ADAMTSL1: variants seen among roughly 807,000 people sequenced by gnomAD.
ADAMTSL1 encodes the protein ADAMTS-like protein 1.
A neutral mutation model predicts 201.8 loss-of-function variants in ADAMTSL1; 126 were observed. The observed-to-expected ratio is 0.62, with a 90% confidence interval of 0.54 to 0.72. The LOEUF is 0.72. Among genes scored for constraint, ADAMTSL1 ranks in the 30% least tolerant of loss-of-function variants. The pLI, the probability that ADAMTSL1 is intolerant of heterozygous loss-of-function variation, is 0.00. For synonymous variants in ADAMTSL1, 1,121 were observed against 903.4 expected (o/e 1.24, Z -4.32); for missense variants, 2,679 against 2,277.8 (o/e 1.18, Z -3.59).
chr9:18,144,873 G>C (rs1826562929), intron 1 of ADAMTSL1, among the ~76,000 whole-genome samples: 1 of 152,140 alleles, frequency 6.6e-6, no homozygotes, highest in African/African-American at 2.4e-5. Context: ...GTGGGACTAT[G>C]ATGGAGTTAC....
intron 23 of ADAMTSL1, among the ~76,000 whole-genome samples, chr9:18,843,450 C>G (rs1401775821): frequency 6.6e-6 from 1 of 150,848 alleles, no homozygotes; most frequent in Non-Finnish European, 1.5e-5. Flanking sequence ...CGACCTTTCT[C>G]TCTGGCTGCG....
chr9:18,375,157 A>G (rs749998414), intron 2 of ADAMTSL1, among the ~76,000 whole-genome samples: 1 of 152,160 alleles, frequency 6.6e-6, no homozygotes, highest in Non-Finnish European at 1.5e-5. Flanking sequence ...GAGACAACTC[A>G]TGGAGCTCTT....
At chr9:18,013,671 T>C (rs952518752) in intron 1 of ADAMTSL1, among the ~76,000 whole-genome samples, 1 of 152,026 alleles carries the variant, frequency 6.6e-6, no homozygotes, top group South Asian at 2.1e-4. Context: ...AGTTTTACAA[T>C]ATGAAAAATA....
chr9:18,381,465 G>T (rs1294047613), intron 2 of ADAMTSL1, among the ~76,000 whole-genome samples: 1 of 152,124 alleles, frequency 6.6e-6, no homozygotes, highest in African/African-American at 2.4e-5. Flanking sequence ...TAAGGTTCTT[G>T]CCCAAGGCAT....
At chr9:18,527,043 A>T (rs898128983) in intron 2 of ADAMTSL1, among the ~76,000 whole-genome samples, 2 of 152,144 alleles carry the variant, frequency 1.3e-5, no homozygotes, top group Admixed American at 6.6e-5. Context: ...GATCAGTGGT[A>T]CCCAGGATTT....
chr9:18,269,077 A>G (rs1832252103), intron 2 of ADAMTSL1, among the ~76,000 whole-genome samples: 1 of 152,162 alleles, frequency 6.6e-6, no homozygotes, highest in African/African-American at 2.4e-5. Context: ...ATAAAATAAG[A>G]AGAAAACCAG....
chr9:18,376,897 C>T (rs990583019), intron 2 of ADAMTSL1, among the ~76,000 whole-genome samples: 5 of 152,046 alleles, frequency 3.3e-5, no homozygotes, highest in African/African-American at 1.2e-4. Context: ...ATTGCAAATA[C>T]CCTTACAAAT....
chr9:17,975,757 T>C (rs1382424897), intron 1 of ADAMTSL1, among the ~76,000 whole-genome samples: 4 of 152,164 alleles, frequency 2.6e-5, no homozygotes, highest in Non-Finnish European at 5.9e-5. Context: ...TTTGCTTTTG[T>C]TGCCTGTGCT....
At chr9:18,117,105 A>T (rs7025435) in intron 1 of ADAMTSL1, among the ~76,000 whole-genome samples, 126,149 of 152,172 alleles carry the variant, frequency 0.83, 52,394 homozygotes, top group African/African-American at 0.88. Flanking sequence ...CAGTCCTTAT[A>T]CTACTTGATG....
At chr9:18,784,723 G>A (rs558325609) in intron 19 of ADAMTSL1, among the ~76,000 whole-genome samples, 1 of 152,302 alleles carries the variant, frequency 6.6e-6, no homozygotes, top group South Asian at 2.1e-4. Flanking sequence ...CATCATCACA[G>A]GTAACATTTA....
At chr9:18,396,746 A>G (rs1015391537) in intron 2 of ADAMTSL1, among the ~76,000 whole-genome samples, 1 of 152,060 alleles carries the variant, frequency 6.6e-6, no homozygotes, top group African/African-American at 2.4e-5. Context: ...TTAACCACTC[A>G]CATTTTTAAA....
intron 1 of ADAMTSL1, among the ~76,000 whole-genome samples, chr9:18,020,191 A>G (rs984988658): frequency 1.1e-4 from 17 of 152,126 alleles, no homozygotes; most frequent in Middle Eastern, 3.4e-3. Flanking sequence ...TGTGTGAAGG[A>G]TGTGAATCAT....
intron 23 of ADAMTSL1, among the ~76,000 whole-genome samples, chr9:18,884,758 T>C (rs1474333023): frequency 6.6e-6 from 1 of 152,250 alleles, no homozygotes; most frequent in African/African-American, 2.4e-5. Context: ...GTTCTCTGTG[T>C]CTGTTTTATG....
At chr9:18,782,919 G>C (rs1459931370) in intron 19 of ADAMTSL1, among the ~76,000 whole-genome samples, 1 of 152,212 alleles carries the variant, frequency 6.6e-6, no homozygotes, top group Non-Finnish European at 1.5e-5. Flanking sequence ...AGGTGGTATG[G>C]GATGAGGTTG....
chr9:18,434,477 A>G (rs184950725), intron 2 of ADAMTSL1, among the ~76,000 whole-genome samples: 1 of 152,202 alleles, frequency 6.6e-6, no homozygotes, highest in African/African-American at 2.4e-5. Flanking sequence ...CATGGAGCCA[A>G]CTTTCTATTA....
At chr9:18,671,060 G>A (rs150694603) in intron 9 of ADAMTSL1, among the ~76,000 whole-genome samples, 104 of 152,252 alleles carry the variant, frequency 6.8e-4, no homozygotes, top group African/African-American at 2.1e-3. Flanking sequence ...GGGAATAATG[G>A]TGAGAGAAAA....
intron 2 of ADAMTSL1, among the ~76,000 whole-genome samples, chr9:18,448,646 C>T (rs146721076): frequency 1.8e-4 from 27 of 152,158 alleles, no homozygotes; most frequent in African/African-American, 6.0e-4. Context: ...CAGTTAGATA[C>T]TCAGTTATTC....
chr9:18,906,799 G>A lies in ADAMTSL1; in HGVS notation c.5069G>A (p.Arg1690Gln), dbSNP rs368756746. 47 of 1,613,992 alleles carry A rather than the reference G, an allele frequency of 2.9e-5. 1 individual carries two copies. Among genetic ancestry groups the A allele is most frequent in the Middle Eastern group, 1.6e-4 (1 of 6,062 alleles). Residue 1690 changes from arginine (R) to glutamine (Q), a missense_variant, in exon 28 of 29, where the codon CGG becomes CAG. Physicochemically the swap from Arg to Gln is conservative, Grantham distance 43. Coordinates refer to ENST00000380548, the MANE Select transcript of ADAMTSL1 (RefSeq NM_001040272.6). ...ATCGNYGFQS[R>Q]RVECVHARTN... is the part of the protein sequence containing the mutation. Reference sequence around the variant, plus strand: ...TGTGGCAACTACGGCTTCCAGTCCCGGCGTGTGGAGTGTGTGCATGCCCGC... The same window carrying A: ...TGTGGCAACTACGGCTTCCAGTCCCAGCGTGTGGAGTGTGTGCATGCCCGC...
At chr9:18,097,117 G>A (rs1824286025) in intron 1 of ADAMTSL1, among the ~76,000 whole-genome samples, 1 of 152,108 alleles carries the variant, frequency 6.6e-6, no homozygotes, top group Non-Finnish European at 1.5e-5. Context: ...AGCCAACGTT[G>A]ATCCCCATTG....
Sources: allele counts gnomAD v4.1 joint callset (sites outside exome capture counted in the v4.1 genomes callset), GRCh38; gene constraint gnomAD v4.1.1; transcripts MANE v1.5; gene names NCBI Gene and HGNC (gene_info 2026-07-23, HGNC 2026-07-21).